KIAA0825: variants seen among roughly 807,000 people sequenced by gnomAD.
KIAA0825 encodes the protein uncharacterized protein KIAA0825.
Under a neutral mutation model 147.6 loss-of-function variants are expected in KIAA0825, and 119 were observed. The observed-to-expected ratio is 0.81, with a 90% CI of 0.69 to 0.94. The LOEUF (loss-of-function observed/expected upper bound fraction) is 0.94, where lower values mean the gene tolerates loss of function less well. KIAA0825 is among the 40% of genes least tolerant of loss of function. The pLI is 0.00. For missense variants in KIAA0825, 1,381 were observed against 1,472.7 expected (o/e 0.94, Z 1.02); for synonymous variants, 470 against 518.1 (o/e 0.91, Z 1.26).
rs1055568866 is a variant in KIAA0825 at position 94,169,995 on chromosome 5, G to T, written c.3711-15871C>A. 4.6e-5 allele frequency among the ~76,000 whole-genome samples: 7 copies of T among 152,044 alleles called. No homozygotes were observed. The East Asian group carries it at 7.7e-4, about 17-fold the overall frequency. ...CAGAGCTAATGCTCTTACCCATAAG[G>T]GTACATCTCCCACGTAAGCTATCTC... On this transcript the variant is annotated intron_variant, in intron 20 of 20. Coordinates refer to ENST00000682413, the MANE Select transcript of KIAA0825 (RefSeq NM_001145678.3).
intron 15 of KIAA0825, among the ~76,000 whole-genome samples, chr5:94,411,995 C>T (rs143571075): frequency 2.0e-5 from 3 of 151,228 alleles, no homozygotes; most frequent in African/African-American, 7.3e-5. Flanking sequence ...ATAAACCTCA[C>T]TCCATCAAAA....
intron 1 of KIAA0825, among the ~76,000 whole-genome samples, chr5:94,611,489 G>A (rs1788767142): frequency 6.6e-6 from 1 of 151,794 alleles, no homozygotes; most frequent in South Asian, 2.1e-4. Context: ...GGATCTCTAC[G>A]TTTACTTATT....
At chr5:94,612,227 G>T (rs190394987) in intron 1 of KIAA0825, among the ~76,000 whole-genome samples, 2 of 152,120 alleles carry the variant, frequency 1.3e-5, no homozygotes, top group Admixed American at 6.6e-5. Flanking sequence ...AGGGCAGGAG[G>T]GGGTGGCACA....
intron 1 of KIAA0825, chr5:94,611,935 A>T (rs984974310): frequency 2.0e-5 from 3 of 152,266 alleles, no homozygotes; most frequent in Admixed American, 6.6e-5. Flanking sequence ...ACAGAGTGAG[A>T]CTCTGTCTCA....
chr5:94,384,282 A>G, intron 20 of KIAA0825, 86 bp downstream of exon 20: 1 of 915,576 alleles, frequency 1.1e-6, no homozygotes, highest in Non-Finnish European at 1.7e-6. Flanking sequence ...GTATGCTAGT[A>G]AAATCTGTGT....
intron 13 of KIAA0825, among the ~76,000 whole-genome samples, chr5:94,451,743 A>G (rs1163620474): frequency 2.6e-5 from 4 of 152,216 alleles, no homozygotes; most frequent in African/African-American, 9.6e-5. Context: ...GTTATGCCTA[A>G]AAGAGAATAA....
chr5:94,411,155 C>T (rs1752715567), intron 15 of KIAA0825, among the ~76,000 whole-genome samples: 1 of 152,014 alleles, frequency 6.6e-6, no homozygotes, highest in Admixed American at 6.6e-5. Flanking sequence ...AAAAAGTAAA[C>T]TGTGATGGGT....
At chr5:94,425,453 A>G (rs1402925612) in intron 14 of KIAA0825, among the ~76,000 whole-genome samples, 2 of 152,248 alleles carry the variant, frequency 1.3e-5, no homozygotes, top group South Asian at 4.1e-4. Context: ...AAAATCTCTC[A>G]ACAGGCCAGG....
chr5:94,324,356 A>AT (rs1471104379), intron 20 of KIAA0825, among the ~76,000 whole-genome samples: 2 of 152,046 alleles, frequency 1.3e-5, no homozygotes, highest in Non-Finnish European at 1.5e-5. Flanking sequence ...AAGAGAGACC[A>AT]TGTGTTTTAA....
chr5:94,533,557 G>A (rs968574669), intron 3 of KIAA0825, among the ~76,000 whole-genome samples: 3 of 152,312 alleles, frequency 2.0e-5, no homozygotes, highest in East Asian at 1.9e-4. Flanking sequence ...TTACAGGCAT[G>A]AGCCACCACA....
intron 2 of KIAA0825, among the ~76,000 whole-genome samples, chr5:94,540,879 C>T (rs992812353): frequency 1.1e-4 from 16 of 152,020 alleles, no homozygotes; most frequent in East Asian, 1.9e-4. Flanking sequence ...CCTGGGGATA[C>T]GTGAAATCAA....
intron 1 of KIAA0825, chr5:94,618,286 A>T (rs1791134647): frequency 6.6e-6 from 1 of 152,248 alleles, no homozygotes; most frequent in South Asian, 2.1e-4. Flanking sequence ...TCGAGTTCCA[A>T]GTCGGAGACA....
At chr5:94,243,352 C>T (rs770434705) in intron 20 of KIAA0825, among the ~76,000 whole-genome samples, 5 of 152,148 alleles carry the variant, frequency 3.3e-5, no homozygotes, top group Non-Finnish European at 7.3e-5. Context: ...GGTATAACAT[C>T]CTGGGCTGAA....
chr5:94,283,374 C>T (rs1335811505), intron 20 of KIAA0825, among the ~76,000 whole-genome samples: 1 of 152,080 alleles, frequency 6.6e-6, no homozygotes, highest in Non-Finnish European at 1.5e-5. Context: ...TTAAAGTTCT[C>T]TGCTATCCAG....
intron 2 of KIAA0825, among the ~76,000 whole-genome samples, chr5:94,554,428 G>A (rs1472420731): frequency 6.6e-6 from 1 of 151,930 alleles, no homozygotes; most frequent in Non-Finnish European, 1.5e-5. Flanking sequence ...AAAATAAACC[G>A]ACCCGGTCAC....
At chr5:94,357,670 C>T (rs1744467431) in intron 20 of KIAA0825, among the ~76,000 whole-genome samples, 1 of 152,164 alleles carries the variant, frequency 6.6e-6, no homozygotes, top group Admixed American at 6.5e-5. Flanking sequence ...ATTAATGAGT[C>T]TTTCAGCTCA....
intron 15 of KIAA0825, chr5:94,413,178 C>G (rs147535475): frequency 2.0e-5 from 3 of 151,884 alleles, no homozygotes; most frequent in African/African-American, 7.3e-5. Context: ...CTCAAACTCT[C>G]GACCGCAGAT....
intron 9 of KIAA0825, 24 bp downstream of exon 9, chr5:94,471,442 C>T (rs1182114902): frequency 6.5e-7 from 1 of 1,545,910 alleles, no homozygotes; most frequent in African/African-American, 1.4e-5. Context: ...GCGTGGCCAT[C>T]ATCTTAATTT....
chr5:94,258,446 T>C (rs1776345878), intron 20 of KIAA0825, among the ~76,000 whole-genome samples: 1 of 151,996 alleles, frequency 6.6e-6, no homozygotes, highest in East Asian at 1.9e-4. Context: ...TAGAATAATG[T>C]GGAGGCATTT....
Sources: allele counts gnomAD v4.1 joint callset (sites outside exome capture counted in the v4.1 genomes callset), GRCh38; gene constraint gnomAD v4.1.1; transcripts MANE v1.5; gene names NCBI Gene and HGNC (gene_info 2026-07-23, HGNC 2026-07-21).